RFX3: variants seen among roughly 807,000 people sequenced by gnomAD.
RFX3 encodes regulatory factor X3.
Under a neutral mutation model 98.6 loss-of-function variants are expected in RFX3, and 14 were observed. The observed-to-expected ratio is 0.14, with a 90% CI of 0.09 to 0.22. The LOEUF (loss-of-function observed/expected upper bound fraction) is 0.22, where lower values mean the gene tolerates loss of function less well. Ranked by LOEUF, RFX3 falls within the 10% of genes least tolerant of loss-of-function variation. The pLI, the probability that RFX3 is intolerant of heterozygous loss-of-function variation, is 1.00. For synonymous variants in RFX3, 383 were observed against 328.4 expected, an observed-to-expected ratio of 1.17 and a Z score of -1.80; for missense variants, 639 against 926.9, an observed-to-expected ratio of 0.69 and a Z score of 4.03.
At chr9:3,392,821 C>T (rs375264080) in intron 2 of RFX3, among the ~76,000 whole-genome samples, 17 of 152,024 alleles carry the variant, frequency 1.1e-4, no homozygotes, top group East Asian at 7.7e-4. Flanking sequence ...GAAACACAGT[C>T]ATTAAATCTA....
At chr9:3,295,213 GTTT>G (rs371119901) in intron 5 of RFX3, among the ~76,000 whole-genome samples, 2 of 148,326 alleles carry the variant, frequency 1.3e-5, no homozygotes, top group African/African-American at 4.9e-5. Context: ...TCTCTTTAGT[GTTT>G]TTTTTTTAAG....
intron 1 of RFX3, among the ~76,000 whole-genome samples, chr9:3,467,529 TATTCATAAC>T (rs1200436754): frequency 6.6e-6 from 1 of 152,028 alleles, no homozygotes; most frequent in Admixed American, 6.6e-5. Context: ...GGAAAGGTTA[TATTCATAAC>T]TTCTTCTAAG....
At chr9:3,372,661 C>A (rs1837996408) in intron 2 of RFX3, among the ~76,000 whole-genome samples, 1 of 151,702 alleles carries the variant, frequency 6.6e-6, no homozygotes, top group African/African-American at 2.4e-5. Flanking sequence ...GATTCTCCTG[C>A]CTCAACCTCT....
At chr9:3,300,698 T>G (rs1026129881) in intron 5 of RFX3, among the ~76,000 whole-genome samples, 4 of 151,920 alleles carry the variant, frequency 2.6e-5, no homozygotes, top group Non-Finnish European at 4.4e-5. Context: ...TCACTAATGT[T>G]AAGTTAGCAG....
chr9:3,319,233 A>G (rs1830982913), intron 4 of RFX3, among the ~76,000 whole-genome samples: 1 of 151,940 alleles, frequency 6.6e-6, no homozygotes, highest in African/African-American at 2.4e-5. Context: ...TTGGAAATGC[A>G]AGGGGCCCTT....
chr9:3,290,294 G>C (rs189166660), intron 6 of RFX3, among the ~76,000 whole-genome samples: 12 of 151,692 alleles, frequency 7.9e-5, no homozygotes, highest in African/African-American at 2.9e-4. Flanking sequence ...CGGCAATATT[G>C]CAATACGTAC....
At chr9:3,262,641 T>C (rs1256250257) in intron 13 of RFX3, among the ~76,000 whole-genome samples, 1 of 152,204 alleles carries the variant, frequency 6.6e-6, no homozygotes, top group Admixed American at 6.5e-5. Flanking sequence ...GACAGCTTAA[T>C]TTCTTGCCTG....
chr9:3,424,348 C>CTTTTT lies in RFX3; in HGVS notation c.-8-28757_-8-28753dup, dbSNP rs748693786. Among the ~76,000 whole-genome samples the CTTTTT allele has an allele frequency of 5.9e-4, 45 of 76,006 alleles. 8 individuals carry two copies. The highest frequency in any genetic ancestry group is 1.4e-3 in the African/African-American group (21 of 15,420). The allele number at this position is 76,006 out of a possible 152,430, so 49.9% of individuals were successfully genotyped here. A position where few individuals can be genotyped will look rare whatever the true frequency, so the allele number is the denominator to read the frequency against. On this transcript the variant is annotated intron_variant, in intron 1 of 16. Transcript: ENST00000617270. ...AGAGTCACTGTAATTACATAATTGA[C>CTTTTT]TTTTTTTTTTTTTTTTTTTTTTTTT... is the stretch of plus-strand genomic sequence containing the variant.
chr9:3,381,387 A>T (rs1259862088), intron 2 of RFX3, among the ~76,000 whole-genome samples: 1 of 152,114 alleles, frequency 6.6e-6, no homozygotes, highest in East Asian at 1.9e-4. Flanking sequence ...GTTCAAAGTA[A>T]AATTAATTTA....
intron 1 of RFX3, among the ~76,000 whole-genome samples, chr9:3,458,970 G>A (rs904024283): frequency 6.6e-6 from 1 of 152,092 alleles, no homozygotes; most frequent in Non-Finnish European, 1.5e-5. Context: ...CGTAGACACT[G>A]AATTAAATAA....
intron 1 of RFX3, among the ~76,000 whole-genome samples, chr9:3,451,848 T>A (rs1846667092): frequency 6.6e-6 from 1 of 151,696 alleles, no homozygotes; most frequent in Admixed American, 6.6e-5. Flanking sequence ...TTTTTTTTTT[T>A]AATATCTGCT....
intron 1 of RFX3, among the ~76,000 whole-genome samples, chr9:3,423,202 C>T (rs549342537): frequency 1.6e-4 from 24 of 152,196 alleles, no homozygotes; most frequent in East Asian, 1.5e-3. Flanking sequence ...TGTTTTCAAA[C>T]GGTACAACCA....
intron 15 of RFX3, among the ~76,000 whole-genome samples, chr9:3,241,652 A>C (rs1819939045): frequency 6.6e-6 from 1 of 152,230 alleles, no homozygotes; most frequent in African/African-American, 2.4e-5. Context: ...GTTGTCAGAA[A>C]TTGTGCTAAT....
intron 1 of RFX3, chr9:3,421,077 T>G (rs1843403486): frequency 3.9e-6 from 1 of 259,478 alleles, no homozygotes; most frequent in African/African-American, 2.4e-5. Flanking sequence ...CTCCTGAGGC[T>G]CTGGAGTGAC....
chr9:3,461,924 C>T (rs1050631231), intron 1 of RFX3, among the ~76,000 whole-genome samples: 1 of 152,048 alleles, frequency 6.6e-6, no homozygotes, highest in East Asian at 1.9e-4. Context: ...AGGGAGAACA[C>T]ACCCTTTAAT....
intron 2 of RFX3, among the ~76,000 whole-genome samples, chr9:3,363,476 T>C (rs888128703): frequency 9.8e-5 from 15 of 152,338 alleles, no homozygotes; most frequent in African/African-American, 3.6e-4. Flanking sequence ...GTCGGTTCTT[T>C]CAGGGTATAG....
At chr9:3,385,784 G>C (rs541638655) in intron 2 of RFX3, among the ~76,000 whole-genome samples, 67 of 151,656 alleles carry the variant, frequency 4.4e-4, no homozygotes, top group African/African-American at 1.0e-3. Context: ...TAAAGGAATA[G>C]TTTAAGCCTT....
At chr9:3,360,625 T>C (rs1334877083) in intron 2 of RFX3, among the ~76,000 whole-genome samples, 1 of 152,178 alleles carries the variant, frequency 6.6e-6, no homozygotes, top group Non-Finnish European at 1.5e-5. Context: ...TATTTAAATA[T>C]ATGGAAGCAC....
rs35924655 is a variant in RFX3, at chr9:3,374,092, G to GCACA, written c.117+21376_117+21379dup. On this transcript the variant is annotated intron_variant, in intron 2 of 16. Transcript: ENST00000617270. ...GACTCTGTCTCACACACACACGCGC[G>GCACA]CACACACACACACACACACACACAA... is the stretch of plus-strand genomic sequence containing the variant. Among the ~76,000 whole-genome samples the GCACA allele has an allele frequency of 3.4e-3, 509 of 147,936 alleles. 5 individuals are homozygous for GCACA. Among genetic ancestry groups the GCACA allele is most frequent in the African/African-American group, 0.01 (425 of 40,498 alleles).
Sources: gnomAD v4.1 joint callset for allele counts (sites outside exome capture counted in the v4.1 genomes callset) on GRCh38, gnomAD v4.1.1 for gene constraint, MANE v1.5 for transcripts, NCBI Gene and HGNC (gene_info 2026-07-23, HGNC 2026-07-21) for gene names.